MAGI3: variants seen among roughly 807,000 people sequenced by gnomAD.
MAGI3 encodes the protein membrane associated guanylate kinase, WW and PDZ domain containing 3.
In MAGI3, 43 loss-of-function variants were observed where a neutral mutation model predicts 121.8. The ratio of observed to expected loss-of-function variants is 0.35; its 90% CI spans 0.28 to 0.46. The LOEUF (loss-of-function observed/expected upper bound fraction) is 0.46, where lower values mean the gene tolerates loss of function less well. Ranked by LOEUF, MAGI3 falls within the 20% of genes least tolerant of loss-of-function variation. MAGI3 has a pLI of 1.00. For missense variants in MAGI3, 1,547 were observed against 1,797.3 expected (o/e 0.86, Z 2.52); for synonymous variants, 553 against 639.3 (o/e 0.86, Z 2.04).
chr1:113,614,798 C>A (rs1650359556), intron 7 of MAGI3, 140 bp downstream of exon 7: 3 of 574,082 alleles, frequency 5.2e-6, no homozygotes, highest in African/African-American at 4.0e-5. Context: ...AAGGTAGGGG[C>A]AGTGAGCATT....
chr1:113,626,425 T>C (rs1651245068), intron 9 of MAGI3, among the ~76,000 whole-genome samples: 1 of 151,942 alleles, frequency 6.6e-6, no homozygotes, highest in South Asian at 2.1e-4. Flanking sequence ...TGTAGTTTTC[T>C]TTTTTTTGAT....
intron 1 of MAGI3, among the ~76,000 whole-genome samples, chr1:113,406,430 A>G (rs906128842): frequency 1.3e-5 from 2 of 151,456 alleles, no homozygotes; most frequent in Non-Finnish European, 1.5e-5. Context: ...CCTGGATGAC[A>G]GAGCAAGACC....
At chr1:113,564,880 T>G (rs1369987593) in intron 2 of MAGI3, among the ~76,000 whole-genome samples, 1 of 152,142 alleles carries the variant, frequency 6.6e-6, no homozygotes, top group East Asian at 1.9e-4. Flanking sequence ...GACAGAGTCT[T>G]GCTCTGTTGC....
At chr1:113,680,401 C>G (rs1441876252) in intron 19 of MAGI3, among the ~76,000 whole-genome samples, 2 of 152,162 alleles carry the variant, frequency 1.3e-5, no homozygotes, top group East Asian at 1.9e-4. Flanking sequence ...CAGGAAGAGA[C>G]AATGTCCAGG....
intron 1 of MAGI3, among the ~76,000 whole-genome samples, chr1:113,505,038 A>G (rs1362839095): frequency 6.6e-6 from 1 of 152,132 alleles, no homozygotes; most frequent in Admixed American, 6.6e-5. Context: ...ATATGTTCAT[A>G]TGGCAGGGCA....
intron 1 of MAGI3, among the ~76,000 whole-genome samples, chr1:113,482,235 T>C (rs1011748700): frequency 6.6e-6 from 1 of 152,176 alleles, no homozygotes; most frequent in African/African-American, 2.4e-5. Flanking sequence ...ATGGCTGTTA[T>C]GATGTTGAAC....
intron 1 of MAGI3, among the ~76,000 whole-genome samples, chr1:113,400,243 T>A (rs1004712911): frequency 2.6e-5 from 4 of 152,150 alleles, no homozygotes; most frequent in Non-Finnish European, 2.9e-5. Flanking sequence ...TAACATTTCA[T>A]ACTATTTTTA....
chr1:113,411,956 T>C (rs1031154394), intron 1 of MAGI3, among the ~76,000 whole-genome samples: 1 of 152,120 alleles, frequency 6.6e-6, no homozygotes, highest in Non-Finnish European at 1.5e-5. Context: ...AAATGTGCCA[T>C]GTTGGTTTGT....
chr1:113,601,411 G>A (rs1445871061), intron 6 of MAGI3, among the ~76,000 whole-genome samples: 1 of 151,074 alleles, frequency 6.6e-6, no homozygotes, highest in African/African-American at 2.4e-5. Flanking sequence ...AGTGGGCAAA[G>A]GACATGAACA....
chr1:113,509,917 C>T (rs565622406), intron 1 of MAGI3, among the ~76,000 whole-genome samples: 1 of 151,254 alleles, frequency 6.6e-6, no homozygotes, highest in South Asian at 2.1e-4. Flanking sequence ...CAGAGTGCGC[C>T]TGCAGCACGT....
intron 9 of MAGI3, among the ~76,000 whole-genome samples, chr1:113,636,914 G>A (rs1299762724): frequency 6.6e-6 from 1 of 152,176 alleles, no homozygotes; most frequent in Admixed American, 6.5e-5. Flanking sequence ...GGGTGCTCCT[G>A]TATTGGGTGC....
At chr1:113,624,843 A>T (rs1651119806) in intron 9 of MAGI3, among the ~76,000 whole-genome samples, 1 of 152,168 alleles carries the variant, frequency 6.6e-6, no homozygotes, top group African/African-American at 2.4e-5. Context: ...TACAGTTTGA[A>T]GTCTTAGATT....
intron 2 of MAGI3, among the ~76,000 whole-genome samples, chr1:113,566,131 T>C (rs141185314): frequency 0.01 from 1,553 of 152,296 alleles, 24 homozygotes; most frequent in African/African-American, 0.036. Flanking sequence ...AGCTCTCATA[T>C]ATTGCAGGTG....
At chr1:113,463,289 T>A (rs1014215931) in intron 1 of MAGI3, among the ~76,000 whole-genome samples, 1 of 151,340 alleles carries the variant, frequency 6.6e-6, no homozygotes. Context: ...TGGATCTAGA[T>A]GAGATCACCC....
At chr1:113,425,887 AT>A (rs1240094140) in intron 1 of MAGI3, among the ~76,000 whole-genome samples, 1 of 151,722 alleles carries the variant, frequency 6.6e-6, no homozygotes, top group Non-Finnish European at 1.5e-5. Context: ...TGTTTAATTG[AT>A]TTTTTATTTC....
chr1:113,682,340 G>T (rs1402120163), intron 20 of MAGI3: 6 of 1,558,444 alleles, frequency 3.8e-6, no homozygotes, highest in Non-Finnish European at 4.3e-6. Context: ...TTCTTCTTTT[G>T]TTTTCTTTTA....
At chr1:113,546,655 A>T (rs1659547135) in intron 1 of MAGI3, among the ~76,000 whole-genome samples, 1 of 151,540 alleles carries the variant, frequency 6.6e-6, no homozygotes, top group Non-Finnish European at 1.5e-5. Flanking sequence ...ACACTTACAA[A>T]ATTGTCCCTC....
chr1:113,530,910 T>C (rs1331951032), intron 1 of MAGI3, among the ~76,000 whole-genome samples: 3 of 55,938 alleles, frequency 5.4e-5, no homozygotes, highest in Non-Finnish European at 1.4e-4. Flanking sequence ...AGCAAGCCCC[T>C]GTCTCAAAAA....
chr1:113,459,317 A>G (rs977236395), intron 1 of MAGI3, among the ~76,000 whole-genome samples: 1 of 152,230 alleles, frequency 6.6e-6, no homozygotes, highest in Non-Finnish European at 1.5e-5. Flanking sequence ...CACTTTTTAT[A>G]TAGATACTTA....
Sources: allele counts gnomAD v4.1 joint callset (sites outside exome capture counted in the v4.1 genomes callset), GRCh38; gene constraint gnomAD v4.1.1; transcripts MANE v1.5; gene names NCBI Gene and HGNC (gene_info 2026-07-23, HGNC 2026-07-21).